CTNND2: variants seen among roughly 807,000 people sequenced by gnomAD.
CTNND2 encodes the protein catenin delta 2, also known as catenin delta-2.
A neutral mutation model predicts 144.4 loss-of-function variants in CTNND2; 22 were observed. That is an observed-to-expected ratio of 0.15 (90% confidence interval 0.11 to 0.22). The LOEUF (loss-of-function observed/expected upper bound fraction) is 0.22. Ranked by LOEUF, CTNND2 falls within the 10% of genes least tolerant of loss-of-function variation. The pLI is 1.00. For synonymous variants in CTNND2, 751 were observed against 695.6 expected, an observed-to-expected ratio of 1.08 and a Z score of -1.25; for missense variants, 1,353 against 1,618.8, an observed-to-expected ratio of 0.84 and a Z score of 2.82.
chr5:11,047,473 G>C (rs1164563567), intron 16 of CTNND2, among the ~76,000 whole-genome samples: 1 of 152,110 alleles, frequency 6.6e-6, no homozygotes, highest in South Asian at 2.1e-4. Flanking sequence ...ACGGAGAGAG[G>C]GACAGGATAT....
intron 10 of CTNND2, among the ~76,000 whole-genome samples, chr5:11,212,862 G>C (rs1367249214): frequency 2.0e-5 from 3 of 152,284 alleles, no homozygotes; most frequent in Admixed American, 1.3e-4. Context: ...GACTAGACTG[G>C]AGCTGGCACT....
At chr5:11,688,713 C>G (rs566451149) in intron 2 of CTNND2, among the ~76,000 whole-genome samples, 1 of 152,080 alleles carries the variant, frequency 6.6e-6, no homozygotes, top group Non-Finnish European at 1.5e-5. Context: ...ACCCACCACC[C>G]AGGAGAAGGG....
chr5:11,509,833 A>G (rs188240733), intron 3 of CTNND2, among the ~76,000 whole-genome samples: 2 of 152,338 alleles, frequency 1.3e-5, no homozygotes, highest in Admixed American at 1.3e-4. Context: ...CACCTTTTCT[A>G]CAGAGAGTTT....
intron 3 of CTNND2, among the ~76,000 whole-genome samples, chr5:11,437,946 A>G (rs1207384601): frequency 6.6e-6 from 1 of 152,172 alleles, no homozygotes; most frequent in African/African-American, 2.4e-5. Flanking sequence ...GGTCTGGCGG[A>G]GGGGCAGTTC....
At chr5:11,447,268 G>A (rs1764901344) in intron 3 of CTNND2, among the ~76,000 whole-genome samples, 1 of 151,908 alleles carries the variant, frequency 6.6e-6, no homozygotes. Flanking sequence ...CTTGAACCCG[G>A]GAGGCGGAGG....
At chr5:11,655,908 G>A (rs1049932970) in intron 2 of CTNND2, among the ~76,000 whole-genome samples, 1 of 151,732 alleles carries the variant, frequency 6.6e-6, no homozygotes, top group African/African-American at 2.4e-5. Flanking sequence ...ACACTCATTT[G>A]GTTTCTAATA....
chr5:11,011,540 C>T (rs768223425), intron 18 of CTNND2, among the ~76,000 whole-genome samples: 12 of 152,128 alleles, frequency 7.9e-5, no homozygotes, highest in Non-Finnish European at 1.6e-4. Context: ...TTAATTCATT[C>T]GGAGAGATAC....
At chr5:11,774,219 T>C (rs1011469166) in intron 1 of CTNND2, among the ~76,000 whole-genome samples, 5 of 152,054 alleles carry the variant, frequency 3.3e-5, no homozygotes, top group African/African-American at 9.7e-5. Context: ...AATAAAACAA[T>C]GTTCTTGCGA....
intron 10 of CTNND2, among the ~76,000 whole-genome samples, chr5:11,224,116 C>T (rs1445966029): frequency 2.6e-5 from 4 of 152,142 alleles, no homozygotes; most frequent in Non-Finnish European, 5.9e-5. Context: ...TTGATCTATA[C>T]CTCCACGCAG....
chr5:11,824,703 C>T lies in CTNND2; in HGVS notation c.37+79114G>A, dbSNP rs78050043. The stretch of plus-strand genomic sequence containing the variant: ...GAGGATAGGTTCTGTAAAACTAAAT[C>T]TAGACTTGGAGAATCCTGCTGGCAC... On this transcript the variant is annotated intron_variant, in intron 1 of 21. Coordinates refer to ENST00000304623, the MANE Select transcript of CTNND2 (RefSeq NM_001332.4). Among the ~76,000 whole-genome samples, 13 of 152,298 alleles carry T rather than the reference C, an allele frequency of 8.5e-5. No individual in the cohort carries two copies. In the East Asian group the frequency reaches 1.9e-3, roughly 23 times the overall value.
intron 9 of CTNND2, among the ~76,000 whole-genome samples, chr5:11,311,907 A>T (rs116104102): frequency 1.7e-5 from 2 of 120,692 alleles, no homozygotes; most frequent in African/African-American, 6.6e-5. Context: ...GCCCACACAC[A>T]CTCCACATAC....
intron 1 of CTNND2, among the ~76,000 whole-genome samples, chr5:11,766,186 T>C (rs902491582): frequency 6.6e-6 from 1 of 152,224 alleles, no homozygotes; most frequent in Non-Finnish European, 1.5e-5. Flanking sequence ...AACATCCACT[T>C]GGCTGACTGA....
chr5:11,365,443 G>A (rs1302538969), intron 7 of CTNND2, among the ~76,000 whole-genome samples: 1 of 152,100 alleles, frequency 6.6e-6, no homozygotes, highest in African/African-American at 2.4e-5. Flanking sequence ...TAAAGAAAGA[G>A]GTTTCAAGTT....
Position 11,311,939 on chromosome 5 carries a change from T to A in CTNND2, c.1628+34433A>T, listed in dbSNP as rs546104721. 1.6e-3 allele frequency among the ~76,000 whole-genome samples: 164 copies of A among 105,246 alleles called. 1 individual carries two copies. Among genetic ancestry groups the A allele is most frequent in the South Asian group, 2.5e-3 (7 of 2,774 alleles). The allele number at this position is 105,246 out of a possible 152,430, so 69.0% of individuals were successfully genotyped here. ...ATACATCCTCGCCCCCCACACACAC[T>A]CACACACACTCCCTATATACACCTC... is the stretch of plus-strand genomic sequence containing the variant. On this transcript the variant is annotated intron_variant, in intron 9 of 21. Transcript: ENST00000304623.
intron 1 of CTNND2, among the ~76,000 whole-genome samples, chr5:11,761,807 C>CA (rs894895560): frequency 1.3e-5 from 2 of 151,980 alleles, no homozygotes; most frequent in African/African-American, 2.4e-5. Flanking sequence ...CTATTTTATA[C>CA]AAAAAATGTG....
chr5:11,903,504 A>T lies in CTNND2; in HGVS notation c.37+313T>A. On this transcript the variant is annotated intron_variant, in intron 1 of 21. Coordinates refer to ENST00000304623, the MANE Select transcript of CTNND2 (RefSeq NM_001332.4). This position sits in a 1 kb window ranked among gnomAD's most constrained non-coding sequence, Gnocchi z 5.4. Reference sequence around the variant, plus strand: ...GTATGTTCTCAGGGTGGCGGGGAGCAGCATTGTCGGTGTTGCCCTAAATAC... The same window carrying T: ...GTATGTTCTCAGGGTGGCGGGGAGCTGCATTGTCGGTGTTGCCCTAAATAC... 1 of 619,712 alleles carries T rather than the reference A, an allele frequency of 1.6e-6. No individual in the cohort carries two copies. The highest frequency in any genetic ancestry group is 2.2e-6 in the Non-Finnish European group (1 of 447,818). The allele number at this position is 619,712 out of a possible 1,614,324, so 38.4% of individuals were successfully genotyped here.
intron 9 of CTNND2, among the ~76,000 whole-genome samples, chr5:11,264,516 C>G (rs1745241625): frequency 6.6e-6 from 1 of 152,206 alleles, no homozygotes; most frequent in Non-Finnish European, 1.5e-5. Flanking sequence ...GTAGAAAAAT[C>G]ACACAGTGAA....
chr5:11,625,036 C>T (rs1257590657), intron 2 of CTNND2, among the ~76,000 whole-genome samples: 2 of 152,032 alleles, frequency 1.3e-5, no homozygotes, highest in African/African-American at 4.8e-5. Flanking sequence ...ACTAAACACC[C>T]TTCAACAATA....
intron 9 of CTNND2, among the ~76,000 whole-genome samples, chr5:11,337,416 T>C (rs1267530063): frequency 6.6e-6 from 1 of 152,160 alleles, no homozygotes; most frequent in Non-Finnish European, 1.5e-5. Flanking sequence ...GAGATTTACT[T>C]CCCCCACCTA....
Sources: allele counts gnomAD v4.1 joint callset (sites outside exome capture counted in the v4.1 genomes callset), GRCh38; gene constraint gnomAD v4.1.1; non-coding constraint Gnocchi (gnomAD v3.1); transcripts MANE v1.5; gene names NCBI Gene and HGNC (gene_info 2026-07-23, HGNC 2026-07-21).